The following HENMT1 variants were observed in gnomAD, a reference collection of about 807,000 sequenced individuals.
HENMT1 encodes the protein small RNA 2'-O-methyltransferase.
A neutral mutation model predicts 31.1 loss-of-function variants in HENMT1; 27 were observed. The ratio of observed to expected loss-of-function variants is 0.87; its 90% confidence interval spans 0.64 to 1.20. The LOEUF (loss-of-function observed/expected upper bound fraction) is 1.20, where lower values mean the gene tolerates loss of function less well. Among genes scored for constraint, HENMT1 ranks in the 50% most tolerant of loss-of-function variants. The pLI, the probability that HENMT1 is intolerant of heterozygous loss-of-function variation, is 0.00. For missense variants in HENMT1, 438 were observed against 469.6 expected (o/e 0.93, Z 0.62); for synonymous variants, 167 against 172.2 (o/e 0.97, Z 0.24).
chr1:108,657,370 T>C (rs774574744), intron 3 of HENMT1, 81 bp downstream of exon 3: 71 of 1,012,774 alleles, frequency 7.0e-5, no homozygotes, highest in Non-Finnish European at 1.0e-4. Context: ...AGTCTCTCCA[T>C]ACTAATCCAT....
chr1:108,652,899 G>A (rs183436023), intron 5 of HENMT1, among the ~76,000 whole-genome samples: 36 of 151,814 alleles, frequency 2.4e-4, no homozygotes, highest in South Asian at 1.7e-3. Flanking sequence ...AGCCGAGATC[G>A]CGCCATTGCA....
intron 2 of HENMT1, among the ~76,000 whole-genome samples, chr1:108,659,120 C>T (rs975101438): frequency 6.6e-6 from 1 of 152,164 alleles, no homozygotes; most frequent in African/African-American, 2.4e-5. Context: ...TGTACTTCTG[C>T]GTCTCAGTTC....
intron 3 of HENMT1, 21 bp from the exon 4 acceptor site, chr1:108,655,719 T>C: frequency 1.3e-6 from 2 of 1,511,092 alleles, no homozygotes; most frequent in Non-Finnish European, 1.8e-6. Context: ...GACAGAATGT[T>C]ATTTCAAAGA....
upstream of HENMT1, chr1:108,661,097 C>A (rs1021236754): frequency 3.0e-6 from 2 of 661,014 alleles, no homozygotes; most frequent in African/African-American, 3.9e-5. Context: ...GACGCCCGCG[C>A]ACGCACGGCC....
At position 108,651,410 on chromosome 1, in the gene HENMT1, C is replaced by A. The variant is rs925615545; in HGVS notation, c.399-201G>T. On this transcript the variant is annotated intron_variant, in intron 5 of 7. Coordinates refer to ENST00000651461, the MANE Select transcript of HENMT1 (RefSeq NM_001102592.2). ...CTGTAATCCCAACACTTTGGGAGGCCAAGGTGGATGGATCACCCAAGGTCA... is the reference window on the plus strand; with the variant it reads ...CTGTAATCCCAACACTTTGGGAGGCAAAGGTGGATGGATCACCCAAGGTCA... 1.8e-4 allele frequency: 92 copies of A among 524,722 alleles called. 1 individual carries two copies. In the East Asian group the frequency reaches 2.5e-3, roughly 14 times the overall value. 32.5% of individuals were successfully genotyped at this position (524,722 alleles called of 1,614,324 possible).
intron 4 of HENMT1, 135 bp downstream of exon 4, chr1:108,655,451 C>T: frequency 1.9e-6 from 1 of 516,084 alleles, no homozygotes; most frequent in Non-Finnish European, 3.4e-6. Context: ...ATGGCAAAGC[C>T]TGATTATTCA....
chr1:108,659,995 G>T (rs962394578), intron 1 of HENMT1, 33 bp from the exon 2 acceptor site: 4 of 1,224,820 alleles, frequency 3.3e-6, no homozygotes, highest in African/African-American at 3.2e-5. Flanking sequence ...TTTGTAAAGC[G>T]ATACCTGAAA....
chr1:108,653,032 C>CA (rs1553183320), intron 5 of HENMT1, among the ~76,000 whole-genome samples: 1 of 143,056 alleles, frequency 7.0e-6, no homozygotes, highest in Non-Finnish European at 1.5e-5. Context: ...ATATACATCC[C>CA]TTTTTTTTTT....
chr1:108,648,420 A>C lies in HENMT1; in HGVS notation c.*146T>G. On this transcript the variant is annotated 3_prime_UTR_variant, in exon 8 of 8. Coordinates refer to ENST00000651461, the MANE Select transcript of HENMT1 (RefSeq NM_001102592.2). ...CTCACTGCAGTCTGGCCATATCTCA[A>C]GCAGGTCTGTCCAATGGCTTGGAAC... 1.5e-6 allele frequency: 1 copy of C among 676,662 alleles called. No individual in the cohort carries two copies. Among genetic ancestry groups the C allele is most frequent in the Non-Finnish European group, 2.5e-6 (1 of 406,348 alleles). The allele number at this position is 676,662 out of a possible 1,614,324, so 41.9% of individuals were successfully genotyped here.
chr1:108,657,507 A>T lies in HENMT1; in HGVS notation c.94T>A (p.Tyr32Asn). ...TTAACGAACTGGTACCGCTGTCTGT[A>T]TAGTGGAGGTTTAAACTGAATTGCC... The part of the protein sequence containing the change: ...ETAIQFKPPL[Y>N]RQRYQFVKNL... The change falls in exon 3 of 8, where the codon TAC (tyrosine) becomes AAC (asparagine). Residue 32 changes from tyrosine (Y) to asparagine (N), a missense_variant. Tyr to Asn is a moderately radical substitution (Grantham distance 143). Coordinates refer to ENST00000651461, the MANE Select transcript of HENMT1 (RefSeq NM_001102592.2). The T allele has an allele frequency of 6.2e-7, 1 of 1,611,008 alleles. No individual in the cohort carries two copies. The highest frequency in any genetic ancestry group is 2.2e-5 in the East Asian group (1 of 44,854).
At chr1:108,659,807 T>G in intron 2 of HENMT1, 57 bp downstream of exon 2, 1 of 1,090,822 alleles carries the variant, frequency 9.2e-7, no homozygotes. Flanking sequence ...TATCTCACAA[T>G]ACATCCAGGT....
rs1275441288 is a variant in HENMT1 at position 108,648,722 on chromosome 1, A to C, written c.1026T>G (p.Pro342=). Residue 342 remains proline, a synonymous_variant, in exon 8 of 8, where the codon CCT becomes CCG. Transcript: ENST00000651461. ...PFCVGDKFFV[P]LQRLLAYPKL... is the part of the protein sequence containing the mutation. ...TGGGATACGCAAGGAGTCTCTGCAG[A>C]GGTACGAAAAATTTATCTCCAACAC... The C allele has an allele frequency of 1.2e-6, 2 of 1,614,102 alleles. No homozygotes were observed. The highest frequency in any genetic ancestry group is 2.7e-5 in the African/African-American group (2 of 74,924).
intron 3 of HENMT1, among the ~76,000 whole-genome samples, 160 bp from the exon 4 acceptor site, chr1:108,655,858 C>CACAA (rs1276068251): frequency 5.9e-5 from 8 of 134,474 alleles, no homozygotes; most frequent in Non-Finnish European, 1.1e-4. Flanking sequence ...TACACACACA[C>CACAA]ACACACACAC....
chr1:108,648,738 T>C lies in HENMT1; in HGVS notation c.1010A>G (p.Asp337Gly). Residue 337 changes from aspartate (D) to glycine (G), a missense_variant, in exon 8 of 8, where the codon GAT (aspartate) becomes GGT (glycine). Physicochemically the swap from Asp to Gly is moderately conservative, Grantham distance 94 (BLOSUM62 -1). Transcript: ENST00000651461. ...ENSPTPFCVGDKFFVPLQRLL... is the reference protein window; with the variant it reads ...ENSPTPFCVGGKFFVPLQRLL... Reference sequence around the variant, plus strand: ...TCTCTGCAGAGGTACGAAAAATTTATCTCCAACACAGAAGGGTGTGGGAGA... The same window carrying C: ...TCTCTGCAGAGGTACGAAAAATTTACCTCCAACACAGAAGGGTGTGGGAGA... 1 of 1,614,208 alleles carries C rather than the reference T, an allele frequency of 6.2e-7. No homozygotes were observed. Among genetic ancestry groups the C allele is most frequent in the Non-Finnish European group, 8.5e-7 (1 of 1,180,034 alleles).
chr1:108,657,885 A>C (rs1658296226), intron 2 of HENMT1, among the ~76,000 whole-genome samples: 1 of 151,980 alleles, frequency 6.6e-6, no homozygotes, highest in Non-Finnish European at 1.5e-5. Context: ...CCTAACCATA[A>C]GGGACCTTTT....
At position 108,657,520 on chromosome 1, in the gene HENMT1, A is replaced by G. The variant is rs373409955; in HGVS notation, c.81T>C (p.Phe27=). 2.4e-5 allele frequency: 38 copies of G among 1,612,880 alleles called. No homozygotes were observed. In the Middle Eastern group the frequency reaches 5.0e-4, roughly 21 times the overall value. The part of the protein sequence containing the change: ...EEVPRETAIQ[F]KPPLYRQRYQ... ...ACCGCTGTCTGTATAGTGGAGGTTT[A>G]AACTGAATTGCCGTCTCCCTGGGAA... The change falls in exon 3 of 8, where the codon TTT becomes TTC. Residue 27 remains phenylalanine (F), a synonymous_variant. Coordinates refer to ENST00000651461, the MANE Select transcript of HENMT1 (RefSeq NM_001102592.2).
At chr1:108,653,641 T>G (rs892635388) in intron 5 of HENMT1, among the ~76,000 whole-genome samples, 6 of 152,222 alleles carry the variant, frequency 3.9e-5, no homozygotes, top group Non-Finnish European at 8.8e-5. Context: ...GGGTGAGATA[T>G]CTCACTGTGG....
chr1:108,658,884 T>C (rs1658351341), intron 2 of HENMT1, among the ~76,000 whole-genome samples: 1 of 152,236 alleles, frequency 6.6e-6, no homozygotes, highest in Admixed American at 6.5e-5. Flanking sequence ...TATACAGCAG[T>C]ATTATAAAAG....
At chr1:108,650,607 G>A (rs188312518) in intron 6 of HENMT1, among the ~76,000 whole-genome samples, 21 of 152,330 alleles carry the variant, frequency 1.4e-4, no homozygotes, top group African/African-American at 3.4e-4. Context: ...TATGGAAGAC[G>A]AAAGGAAAAT....
Sources: gnomAD v4.1 joint callset for allele counts (sites outside exome capture counted in the v4.1 genomes callset) on GRCh38, gnomAD v4.1.1 for gene constraint, MANE v1.5 for transcripts, NCBI Gene and HGNC (gene_info 2026-07-23, HGNC 2026-07-21) for gene names.